The following NCOR1 variants were observed in gnomAD, a reference collection of about 807,000 sequenced individuals.
The protein encoded by NCOR1 is protein phosphatase 1, regulatory subunit 109.
Under a neutral mutation model 288.1 loss-of-function variants are expected in NCOR1, and 63 were observed. That is an observed-to-expected ratio of 0.22 (90% confidence interval 0.18 to 0.27). The LOEUF (loss-of-function observed/expected upper bound fraction) is 0.27. Among genes scored for constraint, NCOR1 ranks in the 10% least tolerant of loss-of-function variants. The pLI is 1.00. For missense variants in NCOR1, 2,397 were observed against 3,019.2 expected, an observed-to-expected ratio of 0.79 and a Z score of 4.83; for synonymous variants, 1,007 against 1,065.9, an observed-to-expected ratio of 0.94 and a Z score of 1.08.
intron 42 of NCOR1, among the ~76,000 whole-genome samples, chr17:16,042,060 C>T (rs1381722962): frequency 6.6e-6 from 1 of 152,102 alleles, no homozygotes; most frequent in African/African-American, 2.4e-5. Flanking sequence ...AATGAGACCA[C>T]AGAAGGATGG....
Position 16,121,146 on chromosome 17 carries a change from G to C in NCOR1, c.1758C>G (p.Thr586=). ...NSQGRRKGRI[T]RSMTNEAAAA... Reference sequence around the variant, plus strand: ...CTGCAGCTTCGTTTGTCATGGACCTGGTGATCCGGCCCTTACGGCGGCCCT... The same window carrying C: ...CTGCAGCTTCGTTTGTCATGGACCTCGTGATCCGGCCCTTACGGCGGCCCT... The change falls in exon 16 of 46, where the codon ACC becomes ACG. Residue 586 remains threonine, a synonymous_variant. Coordinates refer to ENST00000268712, the MANE Select transcript of NCOR1 (RefSeq NM_006311.4). 1 of 1,614,150 alleles carries C rather than the reference G, an allele frequency of 6.2e-7. No individual in the cohort carries two copies. The highest frequency in any genetic ancestry group is 8.5e-7 in the Non-Finnish European group (1 of 1,180,034).
intron 10 of NCOR1, among the ~76,000 whole-genome samples, chr17:16,144,907 CCCCTCT>C (rs1193260622): frequency 6.7e-5 from 10 of 150,058 alleles, no homozygotes; most frequent in Non-Finnish European, 1.2e-4. Flanking sequence ...TCCACGGTCT[CCCCTCT>C]CCCTCTCCCT....
intron 26 of NCOR1, among the ~76,000 whole-genome samples, chr17:16,077,288 T>C (rs1480485328): frequency 7.6e-6 from 1 of 132,282 alleles, no homozygotes; most frequent in Admixed American, 7.5e-5. Context: ...TTCCAGCTAC[T>C]TGGGTGGCTG....
At chr17:16,151,061 A>C (rs1293695823) in intron 8 of NCOR1, among the ~76,000 whole-genome samples, 1 of 151,352 alleles carries the variant, frequency 6.6e-6, no homozygotes, top group East Asian at 1.9e-4. Context: ...TATATATAAA[A>C]TAAATAGCAA....
intron 4 of NCOR1, among the ~76,000 whole-genome samples, chr17:16,167,841 T>C (rs373879196): frequency 1.3e-4 from 9 of 69,820 alleles, no homozygotes; most frequent in South Asian, 1.2e-3. Flanking sequence ...ACCTGGGTGA[T>C]AGAAGAAGAC....
At chr17:16,116,238 A>G (rs2071551883) in intron 18 of NCOR1, among the ~76,000 whole-genome samples, 1 of 152,256 alleles carries the variant, frequency 6.6e-6, no homozygotes, top group Non-Finnish European at 1.5e-5. Flanking sequence ...TGTAGGAGTT[A>G]CAATTAAAGA....
intron 3 of NCOR1, among the ~76,000 whole-genome samples, chr17:16,177,443 C>T (rs555747822): frequency 1.4e-4 from 21 of 152,274 alleles, no homozygotes; most frequent in African/African-American, 5.1e-4. Context: ...ATTCCCCACC[C>T]TCCTGCTCAG....
chr17:16,063,053 C>T (rs2060707773), intron 35 of NCOR1, among the ~76,000 whole-genome samples: 3 of 152,184 alleles, frequency 2.0e-5, no homozygotes, highest in Admixed American at 6.5e-5. Flanking sequence ...GGCTTCATAA[C>T]AGCTAGCTGT....
chr17:16,152,301 C>G (rs1215001798), intron 7 of NCOR1, among the ~76,000 whole-genome samples: 2 of 152,110 alleles, frequency 1.3e-5, no homozygotes, highest in African/African-American at 4.8e-5. Context: ...CTATCCCTCC[C>G]CCATGCCCCA....
chr17:16,058,959 G>T (rs899377094), intron 37 of NCOR1, among the ~76,000 whole-genome samples: 1 of 141,624 alleles, frequency 7.1e-6, no homozygotes, highest in Non-Finnish European at 1.5e-5. Context: ...TGAGGCCGGA[G>T]AATCGCTTGA....
chr17:16,043,197 A>G (rs1165438783), intron 42 of NCOR1, among the ~76,000 whole-genome samples: 1 of 152,226 alleles, frequency 6.6e-6, no homozygotes, highest in Non-Finnish European at 1.5e-5. Flanking sequence ...GTTTTAAAGC[A>G]TTACAGTTTT....
At chr17:16,045,475 G>T (rs1216083448) in intron 42 of NCOR1, among the ~76,000 whole-genome samples, 1 of 152,090 alleles carries the variant, frequency 6.6e-6, no homozygotes, top group Non-Finnish European at 1.5e-5. Flanking sequence ...ATAACCTTTT[G>T]CTACCATTAT....
At position 16,065,524 on chromosome 17, in the gene NCOR1, T is replaced by C. The variant is rs1057324699; in HGVS notation, c.4912A>G (p.Arg1638Gly). The change falls in exon 33 of 46, where the codon AGA (arginine) becomes GGA (glycine). Residue 1638 changes from arginine (R) to glycine (G), a missense_variant. Arg to Gly is a moderately radical substitution (Grantham distance 125, BLOSUM62 -2). This residue lies in a region of NCOR1 where 1,872 missense variants were observed against 2,187.8 expected (regional missense o/e 0.86). Transcript: ENST00000268712. ...RPDVARGLSP[R>G]EQPLGLPYPA... ...TATGGGAGACCCAGTGGCTGCTCTC[T>C]TGGGGAGAGTCCTCTGGCCACATCT... The C allele has an allele frequency of 1.9e-6, 3 of 1,614,104 alleles. No individual in the cohort carries two copies. The highest frequency in any genetic ancestry group is 1.3e-5 in the African/African-American group (1 of 74,932).
intron 14 of NCOR1, among the ~76,000 whole-genome samples, chr17:16,134,035 C>G (rs778624291): frequency 1.3e-5 from 2 of 152,188 alleles, no homozygotes; most frequent in Non-Finnish European, 2.9e-5. Flanking sequence ...CTATTCTCAA[C>G]AGAGCAACCA....
intron 4 of NCOR1, 56 bp downstream of exon 4, chr17:16,171,747 A>G: frequency 7.2e-7 from 1 of 1,394,376 alleles, no homozygotes; most frequent in South Asian, 1.6e-5. Context: ...GCATGAGTAT[A>G]ACTAAATAAA....
intron 14 of NCOR1, among the ~76,000 whole-genome samples, chr17:16,130,994 T>C (rs2075533865): frequency 6.7e-6 from 1 of 149,306 alleles, no homozygotes; most frequent in Non-Finnish European, 1.5e-5. Context: ...TGGAATTTTT[T>C]TTTTTTTTTT....
chr17:16,041,109 T>C (rs1019456985), intron 42 of NCOR1: 1 of 152,330 alleles, frequency 6.6e-6, no homozygotes, highest in Admixed American at 6.5e-5. Context: ...AAAATGACTG[T>C]GTTTCCCTGC....
chr17:16,051,326 C>T (rs1387288498), intron 40 of NCOR1, among the ~76,000 whole-genome samples: 1 of 152,152 alleles, frequency 6.6e-6, no homozygotes, highest in Non-Finnish European at 1.5e-5. Flanking sequence ...TCTAGAACTA[C>T]AGAGAAACTC....
At chr17:16,134,103 C>T (rs1299769903) in intron 14 of NCOR1, among the ~76,000 whole-genome samples, 1 of 152,202 alleles carries the variant, frequency 6.6e-6, no homozygotes, top group Non-Finnish European at 1.5e-5. Flanking sequence ...ACCCCAGTGG[C>T]TTCTTCTCTC....
Sources: allele counts gnomAD v4.1 joint callset (sites outside exome capture counted in the v4.1 genomes callset), GRCh38; gene constraint gnomAD v4.1.1; regional missense constraint gnomAD v4.1.1; transcripts MANE v1.5; gene names NCBI Gene and HGNC (gene_info 2026-07-23, HGNC 2026-07-21).